Variants in UBIAD1 observed in about 807,000 individuals in gnomAD.
UBIAD1 encodes ubiA prenyltransferase domain-containing protein 1.
A neutral mutation model predicts 20.1 loss-of-function variants in UBIAD1; 12 were observed. That is an observed-to-expected ratio of 0.60 (90% CI 0.38 to 0.97). The LOEUF (loss-of-function observed/expected upper bound fraction) is 0.97. Ranked by LOEUF, UBIAD1 falls within the 50% of genes least tolerant of loss-of-function variation. The pLI is 0.00. For missense variants in UBIAD1, 333 were observed against 419.5 expected (o/e 0.79, Z 1.80); for synonymous variants, 207 against 189.2 (o/e 1.09, Z -0.77).
chr1:11,277,010 GCAGATCACCTGAGTT>G (rs1410180765), intron 1 of UBIAD1, among the ~76,000 whole-genome samples: 2 of 152,050 alleles, frequency 1.3e-5, no homozygotes, highest in Non-Finnish European at 2.9e-5. Context: ...GCTGAGGCAG[GCAGATCACCTGAGTT>G]CAGGAGTTCG....
rs1445137657 is a variant in UBIAD1, at chr1:11,277,801, C to T, written c.529+3741C>T. ...CTGGGATTACAGGCATGGGCCACCA[C>T]GCCCTGCTAATTTTGTATTTTTAGT... On this transcript the variant is annotated intron_variant, in intron 1 of 1. Coordinates refer to ENST00000376810, the MANE Select transcript of UBIAD1 (RefSeq NM_013319.3). Among the ~76,000 whole-genome samples the T allele has an allele frequency of 2.6e-5, 4 of 152,084 alleles. 1 individual carries two copies. The highest frequency in any genetic ancestry group is 2.1e-4 in the South Asian group (1 of 4,832).
At chr1:11,298,678 C>T (rs973543472), downstream of UBIAD1, among the ~76,000 whole-genome samples, 5 of 152,188 alleles carry the variant, frequency 3.3e-5, no homozygotes, top group South Asian at 2.1e-4. This position sits in a 1 kb window ranked among gnomAD's most constrained non-coding sequence, Gnocchi z 4.0. Context: ...TCCTGCACCC[C>T]GCAGTGGTGC....
chr1:11,287,583 G>A lies in UBIAD1; in HGVS notation c.*1452G>A, dbSNP rs1281406106. On this transcript the variant is annotated 3_prime_UTR_variant, in exon 2 of 2. Coordinates refer to ENST00000376810, the MANE Select transcript of UBIAD1 (RefSeq NM_013319.3). ...TTTCAGATCAAGCTAATGATGATAT[G>A]GAACCTTGAGTTCGAATTGATTGGT... 1.3e-5 allele frequency: 2 copies of A among 152,156 alleles called. No homozygotes were observed. The highest frequency in any genetic ancestry group is 4.8e-5 in the African/African-American group (2 of 41,428). The allele number at this position is 152,156 out of a possible 1,614,324, so 9.4% of individuals were successfully genotyped here. A position where few individuals can be genotyped will look rare whatever the true frequency, so the allele number is the denominator to read the frequency against.
rs1638264730 is a variant in UBIAD1, at chr1:11,286,547, T to G, written c.*416T>G. 3.4e-6 allele frequency: 1 copy of G among 297,508 alleles called. No individual in the cohort carries two copies. Among genetic ancestry groups the G allele is most frequent in the African/African-American group, 2.2e-5 (1 of 45,060 alleles). The allele number at this position is 297,508 out of a possible 1,614,324, so 18.4% of individuals were successfully genotyped here. A position where few individuals can be genotyped will look rare whatever the true frequency, so the allele number is the denominator to read the frequency against. On this transcript the variant is annotated 3_prime_UTR_variant, in exon 2 of 2. Coordinates refer to ENST00000376810, the MANE Select transcript of UBIAD1 (RefSeq NM_013319.3). ...AACTAGGCAGAGTGTTGTCCTGCTT[T>G]CTTCGTCTCGTAGGATGTGCTATGA...
chr1:11,291,467 C>T (rs1222754112), downstream of UBIAD1, among the ~76,000 whole-genome samples: 1 of 138,590 alleles, frequency 7.2e-6, no homozygotes, highest in South Asian at 2.3e-4. Flanking sequence ...ATTAGCTGGG[C>T]GTGGTGGTGC....
chr1:11,273,749 A>G lies in UBIAD1; in HGVS notation c.218A>G (p.Tyr73Cys). ...TPVALGSALAYRSHGVLDPRL... is the reference protein window; with the variant it reads ...TPVALGSALACRSHGVLDPRL... Reference sequence around the variant, plus strand: ...GTGGCCCTGGGCAGTGCCCTTGCCTACAGATCCCACGGTGTCCTGGATCCC... The same window carrying G: ...GTGGCCCTGGGCAGTGCCCTTGCCTGCAGATCCCACGGTGTCCTGGATCCC... Residue 73 changes from tyrosine (Y) to cysteine (C), a missense_variant, in exon 1 of 2, where the codon TAC becomes TGC. Tyr to Cys is a radical substitution (Grantham distance 194). Around this residue, in one of 3 missense-constraint regions of UBIAD1, gnomAD observed 50 missense variants for 101.2 expected, o/e 0.49. Transcript: ENST00000376810. This position sits in a 1 kb window ranked among gnomAD's most constrained non-coding sequence, Gnocchi z 4.9. The G allele has an allele frequency of 1.2e-6, 2 of 1,613,956 alleles. No individual in the cohort carries two copies. The highest frequency in any genetic ancestry group is 1.6e-4 in the Middle Eastern group (1 of 6,062).
At chr1:11,292,678 C>T (rs1051059194), downstream of UBIAD1, among the ~76,000 whole-genome samples, 252 of 148,052 alleles carry the variant, frequency 1.7e-3, 1 homozygote, top group African/African-American at 6.3e-3. Flanking sequence ...TACACACACA[C>T]ACACACACAC....
At chr1:11,274,445 C>T (rs1398586733) in intron 1 of UBIAD1, among the ~76,000 whole-genome samples, 1 of 142,788 alleles carries the variant, frequency 7.0e-6, no homozygotes, top group East Asian at 2.2e-4. Context: ...ACTACAGGTG[C>T]ACGCCACCAC....
chr1:11,277,681 CTT>C (rs1652096660), intron 1 of UBIAD1, among the ~76,000 whole-genome samples: 1 of 152,120 alleles, frequency 6.6e-6, no homozygotes, highest in Admixed American at 6.6e-5. Flanking sequence ...GAATTTTGCT[CTT>C]GTTGCCCAGG....
chr1:11,291,714 C>A (rs539158784), downstream of UBIAD1, among the ~76,000 whole-genome samples: 3 of 151,924 alleles, frequency 2.0e-5, no homozygotes, highest in Non-Finnish European at 4.4e-5. Flanking sequence ...TTGGTAACGG[C>A]TGCAGTAGAG....
downstream of UBIAD1, among the ~76,000 whole-genome samples, chr1:11,291,745 G>T (rs1638371150): frequency 6.6e-6 from 1 of 152,064 alleles, no homozygotes; most frequent in Non-Finnish European, 1.5e-5. Context: ...CTCAGTGTAA[G>T]AACCACACTT....
At chr1:11,288,672 C>G (rs2101025478), downstream of UBIAD1, among the ~76,000 whole-genome samples, 1 of 152,188 alleles carries the variant, frequency 6.6e-6, no homozygotes, top group East Asian at 1.9e-4. Flanking sequence ...ATTTGTGAGG[C>G]CAAGGTGAGA....
At chr1:11,280,301 T>G (rs1652198735) in intron 1 of UBIAD1, among the ~76,000 whole-genome samples, 3 of 152,062 alleles carry the variant, frequency 2.0e-5, no homozygotes, top group Admixed American at 2.0e-4. Flanking sequence ...TGAGACACAG[T>G]TGGTGAGTTA....
downstream of UBIAD1, chr1:11,295,784 T>C (rs1638437914): frequency 6.6e-6 from 1 of 152,270 alleles, no homozygotes; most frequent in South Asian, 2.1e-4. Flanking sequence ...AGACCTTTAC[T>C]GAGAGCCTGC....
downstream of UBIAD1, among the ~76,000 whole-genome samples, chr1:11,292,365 A>G (rs1234677435): frequency 6.6e-6 from 1 of 152,062 alleles, no homozygotes; most frequent in Admixed American, 6.6e-5. Flanking sequence ...AGAATGTCTC[A>G]GTTGGGGGTG....
downstream of UBIAD1, chr1:11,295,663 G>A (rs893649306): frequency 3.9e-5 from 6 of 152,234 alleles, no homozygotes; most frequent in African/African-American, 7.2e-5. Flanking sequence ...CCACATTGAG[G>A]CCAAGGGAAT....
intron 1 of UBIAD1, among the ~76,000 whole-genome samples, chr1:11,281,328 A>G (rs1294804055): frequency 6.6e-6 from 1 of 151,910 alleles, no homozygotes; most frequent in African/African-American, 2.4e-5. Flanking sequence ...TTACCTTCTA[A>G]TGTGCCATAT....
At chr1:11,299,469 T>G (rs1481301380), downstream of UBIAD1, among the ~76,000 whole-genome samples, 1 of 152,204 alleles carries the variant, frequency 6.6e-6, no homozygotes, top group Non-Finnish European at 1.5e-5. Context: ...TTAACAGTCT[T>G]TTTCATTTTC....
chr1:11,288,868 C>T (rs1385429248), downstream of UBIAD1, among the ~76,000 whole-genome samples: 2 of 151,900 alleles, frequency 1.3e-5, no homozygotes, highest in Non-Finnish European at 1.5e-5. Context: ...GGTATGATCA[C>T]GCCACTGCAC....
Sources: gnomAD v4.1 joint callset for allele counts (sites outside exome capture counted in the v4.1 genomes callset) on GRCh38, gnomAD v4.1.1 for gene constraint, gnomAD v4.1.1 regional missense constraint, Gnocchi (gnomAD v3.1) non-coding constraint, MANE v1.5 for transcripts, NCBI Gene and HGNC (gene_info 2026-07-23, HGNC 2026-07-21) for gene names.